Variants in TP53INP1 observed in about 807,000 individuals in gnomAD.
The protein encoded by TP53INP1 is tumor protein p53-inducible nuclear protein 1.
Under a neutral mutation model 21.0 loss-of-function variants are expected in TP53INP1, and 12 were observed. The observed-to-expected ratio is 0.57, with a 90% CI of 0.37 to 0.93. The LOEUF (loss-of-function observed/expected upper bound fraction) is 0.93. TP53INP1 is among the 40% of genes least tolerant of loss of function. The pLI, the probability that TP53INP1 is intolerant of heterozygous loss-of-function variation, is 0.01. For synonymous variants in TP53INP1, 91 were observed against 94.8 expected, an observed-to-expected ratio of 0.96 and a Z score of 0.23; for missense variants, 274 against 294.7, an observed-to-expected ratio of 0.93 and a Z score of 0.51.
rs941869773 is a variant in TP53INP1, at chr8:94,932,253, T to C, written c.474-1525A>G. 1.1e-5 allele frequency: 9 copies of C among 800,224 alleles called. No homozygotes were observed. The South Asian group carries it at 1.4e-4, about 12-fold the overall frequency. The allele number at this position is 800,224 out of a possible 1,614,324, so 49.6% of individuals were successfully genotyped here. A position where few individuals can be genotyped will look rare whatever the true frequency, so the allele number is the denominator to read the frequency against. On this transcript the variant is annotated intron_variant, in intron 3 of 3. Coordinates refer to ENST00000342697, the MANE Select transcript of TP53INP1 (RefSeq NM_033285.4). ...ACGTACATGTGCTTAAGATAACATG[T>C]AAAACCTTCAAAAACAATACTTATA...
At position 94,929,731 on chromosome 8, in the gene TP53INP1, T is replaced by A. The variant is rs1173246429; in HGVS notation, c.*748A>T. 2.0e-5 allele frequency: 3 copies of A among 152,204 alleles called. No individual in the cohort carries two copies. Among genetic ancestry groups the A allele is most frequent in the Non-Finnish European group, 2.9e-5 (2 of 68,048 alleles). The allele number at this position is 152,204 out of a possible 1,614,324, so 9.4% of individuals were successfully genotyped here. A position where few individuals can be genotyped will look rare whatever the true frequency, so the allele number is the denominator to read the frequency against. On this transcript the variant is annotated 3_prime_UTR_variant, in exon 4 of 4. Transcript: ENST00000342697. The stretch of plus-strand genomic sequence containing the variant: ...CTAATGGGTTAGTTACAGACATGAA[T>A]TTTTCCAAATATAATCTCACAGGTC...
In TP53INP1 at chr8:94,946,696, C is replaced by CAAAAAAAAAAAAAAAAAAAAAAAAA. The variant is rs71273438; in HGVS notation, c.-151+2457_-151+2458insTTTTTTTTTTTTTTTTTTTTTTTTT. On this transcript the variant is annotated intron_variant, in intron 1 of 3. Transcript: ENST00000342697. ...TGGTCAACAGAGTAAGACCCTGTCT[C>CAAAAAAAAAAAAAAAAAAAAAAAAA]AAAAAAAAAAAAAAAAAAAAAAAAG... Among the ~76,000 whole-genome samples, 126 of 34,680 alleles carry CAAAAAAAAAAAAAAAAAAAAAAAAA rather than the reference C, an allele frequency of 3.6e-3. 17 individuals carry two copies. Among genetic ancestry groups the CAAAAAAAAAAAAAAAAAAAAAAAAA allele is most frequent in the Middle Eastern group, 0.019 (1 of 52 alleles). The allele number at this position is 34,680 out of a possible 152,430, so 22.8% of individuals were successfully genotyped here. A position where few individuals can be genotyped will look rare whatever the true frequency, so the allele number is the denominator to read the frequency against.
At chr8:94,947,928 C>T (rs920245358) in intron 1 of TP53INP1, among the ~76,000 whole-genome samples, 12 of 152,232 alleles carry the variant, frequency 7.9e-5, no homozygotes, top group Non-Finnish European at 1.6e-4. Context: ...CAGTGCTTTT[C>T]ACATCTGCAA....
chr8:94,929,057 A>G lies in TP53INP1; in HGVS notation c.*1422T>C, dbSNP rs1820145716. On this transcript the variant is annotated 3_prime_UTR_variant, in exon 4 of 4. Transcript: ENST00000342697. ...GCGGAAAAAGGAAGTGACTGGCTAG[A>G]GGTAAGGAAATAGATTTTCTCTAAG... 6.5e-6 allele frequency: 1 copy of G among 152,672 alleles called. No homozygotes were observed. Among genetic ancestry groups the G allele is most frequent in the African/African-American group, 2.4e-5 (1 of 41,442 alleles). The allele number at this position is 152,672 out of a possible 1,614,324, so 9.5% of individuals were successfully genotyped here. A position where few individuals can be genotyped will look rare whatever the true frequency, so the allele number is the denominator to read the frequency against.
Position 94,935,235 on chromosome 8 carries a change from T to C in TP53INP1, c.474-4507A>G, listed in dbSNP as rs78186561. On this transcript the variant is annotated intron_variant, in intron 3 of 3. Transcript: ENST00000342697. ...CATGACAACACTAACAATAGGGATA[T>C]TCTGAACTGCTCCAAGGATCCAAAT... is the stretch of plus-strand genomic sequence containing the variant. 8.9e-4 allele frequency among the ~76,000 whole-genome samples: 135 copies of C among 152,270 alleles called. 1 individual carries two copies. The East Asian group carries it at 0.024, about 28-fold the overall frequency.
rs1346144335 is a variant in TP53INP1, at chr8:94,940,031, G to A, written c.302C>T (p.Pro101Leu). Reference protein sequence around the residue: ...PMEESWFITPPPCFTAGGLTT... With the variant: ...PMEESWFITPLPCFTAGGLTT... ...TAATCCACCTGCAGTAAAACATGGG[G>A]GTGGGGTGATAAACCAGCTCTCCTC... Residue 101 changes from proline to leucine, a missense_variant, in exon 3 of 4, where the codon CCC (proline) becomes CTC (leucine). Pro to Leu is a moderately conservative substitution (Grantham distance 98). Coordinates refer to ENST00000342697, the MANE Select transcript of TP53INP1 (RefSeq NM_033285.4). The A allele has an allele frequency of 1.9e-6, 3 of 1,614,054 alleles. No individual in the cohort carries two copies. The African/African-American group carries it at 4.0e-5, about 22-fold the overall frequency.
intron 3 of TP53INP1, among the ~76,000 whole-genome samples, chr8:94,932,516 A>G (rs894993213): frequency 2.0e-5 from 3 of 152,204 alleles, no homozygotes; most frequent in Admixed American, 6.5e-5. Flanking sequence ...AAGAATTTCA[A>G]ATCCCTGCCG....
At position 94,940,483 on chromosome 8, in the gene TP53INP1, T is replaced by C. The variant is rs2515232; in HGVS notation, c.113-263A>G. Among the ~76,000 whole-genome samples the C allele has an allele frequency of 1.1e-4, 17 of 152,214 alleles. No homozygotes were observed. The East Asian group carries it at 3.1e-3, about 28-fold the overall frequency. The stretch of plus-strand genomic sequence containing the variant: ...TGTGTGTGTGTGTCACTATATGGGA[T>C]AGATTTATGTTGGCTTTGCAGGAGT... On this transcript the variant is annotated intron_variant, in intron 2 of 3. Coordinates refer to ENST00000342697, the MANE Select transcript of TP53INP1 (RefSeq NM_033285.4).
At chr8:94,939,673 C>T (rs1821327497) in intron 3 of TP53INP1, 187 bp downstream of exon 3, 1 of 795,498 alleles carries the variant, frequency 1.3e-6, no homozygotes, top group Non-Finnish European at 1.9e-6. Context: ...GCTGGGATTA[C>T]AGGTGTGAGA....
rs545288994 is a variant in TP53INP1, at chr8:94,930,569, G to A, written c.633C>T (p.Arg211=). 428 of 1,614,188 alleles carry A rather than the reference G, an allele frequency of 2.7e-4. 2 individuals are homozygous for A. In the South Asian group the frequency reaches 4.5e-3, roughly 17 times the overall value. ...RQPLNRNSLR[R]QNLTRDCHPR... Reference sequence around the variant, plus strand: ...GGTGGCAATCCCTGGTAAGATTTTGGCGACGAAGGCTATTTCTGTTAAGAG... The same window carrying A: ...GGTGGCAATCCCTGGTAAGATTTTGACGACGAAGGCTATTTCTGTTAAGAG... The change falls in exon 4 of 4, where the codon CGC becomes CGT. Residue 211 remains arginine, a synonymous_variant. Transcript: ENST00000342697.
intron 1 of TP53INP1, among the ~76,000 whole-genome samples, chr8:94,948,797 G>A (rs559512134): frequency 9.2e-5 from 14 of 152,200 alleles, no homozygotes; most frequent in Non-Finnish European, 1.9e-4. Context: ...AGAGGAGGAG[G>A]TCCCGCCGCG....
chr8:94,936,509 G>C (rs1820989625), intron 3 of TP53INP1, among the ~76,000 whole-genome samples: 1 of 152,120 alleles, frequency 6.6e-6, no homozygotes, highest in Non-Finnish European at 1.5e-5. Flanking sequence ...GATCAAAGAA[G>C]GTAAAAACAA....
chr8:94,927,437 G>A lies in TP53INP1; in HGVS notation c.*3042C>T, dbSNP rs1466567114. ...TCAAAGTACTGATACAACAGAGAAG[G>A]TATGTAAACAGGAACAGTTTGCATG... On this transcript the variant is annotated 3_prime_UTR_variant, in exon 4 of 4. Transcript: ENST00000342697. The A allele has an allele frequency of 2.6e-5, 4 of 152,140 alleles. No individual in the cohort carries two copies. The allele number at this position is 152,140 out of a possible 1,614,324, so 9.4% of individuals were successfully genotyped here.
chr8:94,932,471 C>G (rs941785130), intron 3 of TP53INP1, among the ~76,000 whole-genome samples: 2 of 152,224 alleles, frequency 1.3e-5, no homozygotes, highest in African/African-American at 4.8e-5. Flanking sequence ...TTGGTAACAC[C>G]TGATTTCCAC....
intron 2 of TP53INP1, among the ~76,000 whole-genome samples, 173 bp from the exon 3 acceptor site, chr8:94,940,393 A>T (rs2904893): frequency 6.6e-6 from 1 of 151,916 alleles, no homozygotes; most frequent in African/African-American, 2.4e-5. Context: ...AGTTCAGAAA[A>T]CCATTTATAT....
chr8:94,940,810 A>G lies in TP53INP1; in HGVS notation c.112+20T>C, dbSNP rs776950344. On this transcript the variant is annotated intron_variant, in intron 2 of 3. Transcript: ENST00000342697. ...TTTTTACTGTGAAGATGAACCACCAAGTAACCAAGTGTACCTTACCTATGA... is the reference window on the plus strand; with the variant it reads ...TTTTTACTGTGAAGATGAACCACCAGGTAACCAAGTGTACCTTACCTATGA... 91 of 1,575,052 alleles carry G rather than the reference A, an allele frequency of 5.8e-5. No homozygotes were observed. The highest frequency in any genetic ancestry group is 2.3e-4 in the African/African-American group (17 of 73,770).
chr8:94,943,552 CCT>C, intron 1 of TP53INP1, among the ~76,000 whole-genome samples: 1 of 152,284 alleles, frequency 6.6e-6, no homozygotes, highest in Non-Finnish European at 1.5e-5. Context: ...CTAATCACCA[CCT>C]CTTTTTATCA....
At position 94,930,647 on chromosome 8, in the gene TP53INP1, T is replaced by C; in HGVS notation, c.555A>G (p.Gln185=). ...ALAAHTTFLE[Q]PKSFRPSQWI... ...ACTGGGAAGGGCGAAAGCTCTTGGG[T>C]TGTTCCAGAAAAGTTGTATGAGCAG... is the stretch of plus-strand genomic sequence containing the variant. The change falls in exon 4 of 4, where the codon CAA becomes CAG. Residue 185 remains glutamine (Q), a synonymous_variant. Transcript: ENST00000342697. The C allele has an allele frequency of 6.2e-7, 1 of 1,614,236 alleles. No individual in the cohort carries two copies. The highest frequency in any genetic ancestry group is 8.5e-7 in the Non-Finnish European group (1 of 1,180,038).
intron 1 of TP53INP1, among the ~76,000 whole-genome samples, chr8:94,948,947 C>A (rs1309468632): frequency 6.6e-6 from 1 of 150,960 alleles, no homozygotes; most frequent in Admixed American, 6.6e-5. Flanking sequence ...GCCCCGGGGG[C>A]CGCCGAGGAC....
Sources: gnomAD v4.1 joint callset for allele counts (sites outside exome capture counted in the v4.1 genomes callset) on GRCh38, gnomAD v4.1.1 for gene constraint, MANE v1.5 for transcripts, NCBI Gene and HGNC (gene_info 2026-07-23, HGNC 2026-07-21) for gene names.